The following BAZ1A variants were observed in gnomAD, a reference collection of about 807,000 sequenced individuals.
The protein encoded by BAZ1A is bromodomain adjacent to zinc finger domain 1A.
Under a neutral mutation model 185.2 loss-of-function variants are expected in BAZ1A, and 50 were observed. The observed-to-expected ratio is 0.27, with a 90% CI of 0.22 to 0.34. BAZ1A has a LOEUF of 0.34. BAZ1A is among the 10% of genes least tolerant of loss of function. The probability of loss-of-function intolerance (pLI) is 1.00; values close to 1 mark genes in which losing one functional copy is unlikely to be tolerated. For missense variants in BAZ1A, 1,356 were observed against 1,839.9 expected, an observed-to-expected ratio of 0.74 and a Z score of 4.81; for synonymous variants, 571 against 615.6, an observed-to-expected ratio of 0.93 and a Z score of 1.07.
chr14:34,780,649 C>T (rs1879976647), intron 16 of BAZ1A, among the ~76,000 whole-genome samples: 2 of 152,054 alleles, frequency 1.3e-5, no homozygotes, highest in African/African-American at 4.8e-5. Flanking sequence ...GAATAACATA[C>T]ACAATGGCAC....
In BAZ1A at chr14:34,753,710, A is replaced by G; in HGVS notation, c.4475-6T>C. Reference sequence around the variant, plus strand: ...AATGTCATCAATAAACTCAGCTAGAAAGGGAAAGAGACAAAAAGATTAGAA... The same window carrying G: ...AATGTCATCAATAAACTCAGCTAGAGAGGGAAAGAGACAAAAAGATTAGAA... On this transcript the variant is annotated splice_region_variant and splice_polypyrimidine_tract_variant and intron_variant, in intron 26 of 26. Transcript: ENST00000360310. 6.4e-6 allele frequency: 10 copies of G among 1,561,444 alleles called. No individual in the cohort carries two copies. Among genetic ancestry groups the G allele is most frequent in the Non-Finnish European group, 8.7e-6 (10 of 1,146,542 alleles).
chr14:34,829,737 A>G (rs2042213873), intron 3 of BAZ1A, among the ~76,000 whole-genome samples: 1 of 152,152 alleles, frequency 6.6e-6, no homozygotes, highest in African/African-American at 2.4e-5. Context: ...CCCTTACTAA[A>G]AAATTCCACC....
intron 4 of BAZ1A, among the ~76,000 whole-genome samples, chr14:34,813,211 A>G (rs572621700): frequency 9.6e-6 from 1 of 104,412 alleles, no homozygotes; most frequent in South Asian, 3.7e-4. Context: ...GGGGAAACCT[A>G]CAAAACACAC....
intron 3 of BAZ1A, among the ~76,000 whole-genome samples, chr14:34,842,558 C>G (rs541104184): frequency 6.6e-6 from 1 of 151,970 alleles, no homozygotes; most frequent in African/African-American, 2.4e-5. Context: ...TCATTAAGAG[C>G]GAATGATTAA....
Position 34,771,537 on chromosome 14 carries a change from T to C in BAZ1A, c.3275A>G (p.Glu1092Gly). Reference protein sequence around the residue: ...MALFQIEQGIERRFLKAPLDA... With the variant: ...MALFQIEQGIGRRFLKAPLDA... ...AAGTGGAGCTTTCAGAAAACGCCGC[T>C]CAATGCCCTGCTCTATTTGAAAGAG... The change falls in exon 21 of 27, where the codon GAG (glutamate) becomes GGG (glycine). Residue 1092 changes from glutamate to glycine, a missense_variant. By Grantham distance (98) the Glu-to-Gly change is moderately conservative. Transcript: ENST00000360310. 6.2e-7 allele frequency: 1 copy of C among 1,612,260 alleles called. No individual in the cohort carries two copies. Among genetic ancestry groups the C allele is most frequent in the Non-Finnish European group, 8.5e-7 (1 of 1,179,486 alleles).
At chr14:34,820,122 G>T (rs1401760504) in intron 4 of BAZ1A, among the ~76,000 whole-genome samples, 32 of 80,634 alleles carry the variant, frequency 4.0e-4, no homozygotes, top group East Asian at 7.1e-4. Context: ...TGGGTTCCTC[G>T]TTTTTTTTTT....
At chr14:34,848,722 T>A (rs1008795033) in intron 3 of BAZ1A, among the ~76,000 whole-genome samples, 2 of 152,230 alleles carry the variant, frequency 1.3e-5, no homozygotes, top group African/African-American at 4.8e-5. Context: ...CTTGACTTGA[T>A]AACATTTTAT....
chr14:34,845,870 AAAAAAAAAAG>A (rs1476480081), intron 3 of BAZ1A, among the ~76,000 whole-genome samples: 3 of 151,722 alleles, frequency 2.0e-5, no homozygotes, highest in South Asian at 2.1e-4. Context: ...AAAAAAAAAA[AAAAAAAAAAG>A]AAAAGAAAAC....
chr14:34,836,069 A>C (rs1413599917), intron 3 of BAZ1A, among the ~76,000 whole-genome samples: 1 of 151,826 alleles, frequency 6.6e-6, no homozygotes, highest in Non-Finnish European at 1.5e-5. Flanking sequence ...AATTCAATGG[A>C]CCAAAAGCAA....
At chr14:34,780,397 G>A in intron 16 of BAZ1A, 87 bp from the exon 17 acceptor site, 1 of 1,345,230 alleles carries the variant, frequency 7.4e-7, no homozygotes, top group Non-Finnish European at 1.0e-6. Flanking sequence ...GAAGTACCAG[G>A]CATTATAGGC....
intron 23 of BAZ1A, among the ~76,000 whole-genome samples, chr14:34,763,792 G>A (rs1878604857): frequency 6.6e-6 from 1 of 151,762 alleles, no homozygotes; most frequent in African/African-American, 2.4e-5. Context: ...TTTAGACATA[G>A]TGCTACTGCA....
Position 34,785,724 on chromosome 14 carries a change from C to T in BAZ1A, c.1831+53G>A, listed in dbSNP as rs1880394876. 6 of 1,510,354 alleles carry T rather than the reference C, an allele frequency of 4.0e-6. No individual in the cohort carries two copies. In the South Asian group the frequency reaches 5.7e-5, roughly 14 times the overall value. 93.6% of individuals were successfully genotyped at this position (1,510,354 alleles called of 1,614,324 possible). On this transcript the variant is annotated intron_variant, in intron 14 of 26. Transcript: ENST00000360310. ...CTCATCAGCTCCTTAGTTTTCTGGG[C>T]ATAAGAGGGAGGAAGTGGGCAGGTT...
chr14:34,864,627 C>T (rs937454792), intron 2 of BAZ1A, among the ~76,000 whole-genome samples: 1 of 150,896 alleles, frequency 6.6e-6, no homozygotes, highest in Admixed American at 6.6e-5. Context: ...ATTACAGACG[C>T]GCGCCACCAC....
intron 25 of BAZ1A, among the ~76,000 whole-genome samples, 200 bp from the exon 26 acceptor site, chr14:34,755,114 G>A (rs1025319002): frequency 3.3e-5 from 5 of 151,354 alleles, no homozygotes; most frequent in Non-Finnish European, 5.9e-5. Context: ...TAGATATCGC[G>A]CTCTCTCTAT....
At position 34,813,137 on chromosome 14, in the gene BAZ1A, C is replaced by T. The variant is rs79779085; in HGVS notation, c.537-2101G>A. Among the ~76,000 whole-genome samples, 625 of 152,242 alleles carry T rather than the reference C, an allele frequency of 4.1e-3. 7 individuals carry two copies. Among genetic ancestry groups the T allele is most frequent in the East Asian group, 0.025 (127 of 5,174 alleles). On this transcript the variant is annotated intron_variant, in intron 4 of 26. Transcript: ENST00000360310. ...ATGGCTCACACCTGTAATTGCAGCA[C>T]TTTGTGAGGCCAAGGCTTGTGGATC...
intron 4 of BAZ1A, among the ~76,000 whole-genome samples, chr14:34,825,324 A>C (rs1288712472): frequency 6.6e-6 from 1 of 151,736 alleles, no homozygotes; most frequent in Non-Finnish European, 1.5e-5. Context: ...GTGGTGGTGC[A>C]TGCCTGTAAT....
At chr14:34,873,431 G>A (rs1331509250) in intron 2 of BAZ1A, among the ~76,000 whole-genome samples, 3 of 152,196 alleles carry the variant, frequency 2.0e-5, no homozygotes, top group Admixed American at 6.5e-5. Flanking sequence ...ACACCCCCTT[G>A]CTCCGTGTCA....
At chr14:34,817,000 G>A (rs1007936988) in intron 4 of BAZ1A, 27 of 190,336 alleles carry the variant, frequency 1.4e-4, no homozygotes, top group African/African-American at 4.8e-4. Flanking sequence ...ATTCTTGAAC[G>A]GCAAACATTA....
intron 14 of BAZ1A, 75 bp downstream of exon 14, chr14:34,785,702 A>G: frequency 1.6e-6 from 2 of 1,284,484 alleles, no homozygotes; most frequent in South Asian, 1.3e-5. Context: ...AAAATTTCTC[A>G]TCAGCTCCTT....
Sources: gnomAD v4.1 joint callset for allele counts (sites outside exome capture counted in the v4.1 genomes callset) on GRCh38, gnomAD v4.1.1 for gene constraint, MANE v1.5 for transcripts, NCBI Gene and HGNC (gene_info 2026-07-23, HGNC 2026-07-21) for gene names.